GALNT18: variants seen among roughly 807,000 people sequenced by gnomAD.
GALNT18 encodes the protein polypeptide N-acetylgalactosaminyltransferase 18.
Under a neutral mutation model 69.5 loss-of-function variants are expected in GALNT18, and 44 were observed. That is an observed-to-expected ratio of 0.63 (90% CI 0.50 to 0.81). The LOEUF is 0.81. Ranked by LOEUF, GALNT18 falls within the 40% of genes least tolerant of loss-of-function variation. The probability of loss-of-function intolerance (pLI) is 0.00; values close to 1 mark genes in which losing one functional copy is unlikely to be tolerated. For synonymous variants in GALNT18, 364 were observed against 318.2 expected (o/e 1.14, Z -1.53); for missense variants, 715 against 810.0 (o/e 0.88, Z 1.42).
In GALNT18 at chr11:11,621,453, C is replaced by A; in HGVS notation, c.141G>T (p.Ala47=). The A allele has an allele frequency of 6.2e-7, 1 of 1,614,172 alleles. No individual in the cohort carries two copies. Among genetic ancestry groups the A allele is most frequent in the South Asian group, 1.1e-5 (1 of 91,074 alleles). ...ASVYVRGQEP[A]PDKKLEEDKG... is the part of the protein sequence containing the mutation. ...TGTCTTCCTCCAGCTTCTTGTCGGG[C>A]GCCGGCTCCTGCCCCCGCACATACA... The change falls in exon 1 of 11, where the codon GCG becomes GCT. Residue 47 remains alanine, a synonymous_variant. Transcript: ENST00000227756. The surrounding 1 kb of genome is among the most constrained non-coding windows in gnomAD (Gnocchi z 9.3).
chr11:11,482,729 A>T (rs1176595477), intron 1 of GALNT18, among the ~76,000 whole-genome samples: 4 of 152,240 alleles, frequency 2.6e-5, no homozygotes, highest in African/African-American at 9.6e-5. Context: ...CACTAAGGTG[A>T]TGGGCTGGTA....
At position 11,602,861 on chromosome 11, in the gene GALNT18, A is replaced by G. The variant is rs1859664464; in HGVS notation, c.235+18498T>C. 6.6e-6 allele frequency among the ~76,000 whole-genome samples: 1 copy of G among 152,222 alleles called. No individual in the cohort carries two copies. The highest frequency in any genetic ancestry group is 1.5e-5 in the Non-Finnish European group (1 of 68,040). ...TTTTCTGAATTAAAAATAAGGGTGTATGGTCTGGCAAGAGCTTTGTGCTGC... is the reference window on the plus strand; with the variant it reads ...TTTTCTGAATTAAAAATAAGGGTGTGTGGTCTGGCAAGAGCTTTGTGCTGC... On this transcript the variant is annotated intron_variant, in intron 1 of 10. Transcript: ENST00000227756. The surrounding 1 kb of genome is among the most constrained non-coding windows in gnomAD (Gnocchi z 4.7).
At chr11:11,326,891 C>T (rs1849931019) in intron 9 of GALNT18, among the ~76,000 whole-genome samples, 195 bp downstream of exon 9, 2 of 152,298 alleles carry the variant, frequency 1.3e-5, no homozygotes, top group East Asian at 1.9e-4. Flanking sequence ...CAGCTTCCTT[C>T]CAGGCAAGGC....
At chr11:11,526,581 A>G (rs1857531497) in intron 1 of GALNT18, among the ~76,000 whole-genome samples, 1 of 152,186 alleles carries the variant, frequency 6.6e-6, no homozygotes, top group African/African-American at 2.4e-5. Context: ...GCAGTAACAA[A>G]AACACCCCAA....
intron 1 of GALNT18, among the ~76,000 whole-genome samples, chr11:11,535,670 C>T (rs557518149): frequency 6.6e-6 from 1 of 152,310 alleles, no homozygotes; most frequent in Admixed American, 6.5e-5. Context: ...CCCAGCCGGC[C>T]GAGCTTCCAC....
intron 6 of GALNT18, among the ~76,000 whole-genome samples, chr11:11,369,462 A>C (rs1339975254): frequency 6.6e-6 from 1 of 152,054 alleles, no homozygotes; most frequent in African/African-American, 2.4e-5. Context: ...TCCTCTTCTT[A>C]TAAGGACATC....
At chr11:11,609,313 C>T (rs1023745448) in intron 1 of GALNT18, among the ~76,000 whole-genome samples, 6 of 152,282 alleles carry the variant, frequency 3.9e-5, no homozygotes, top group Non-Finnish European at 5.9e-5. Context: ...CTGCTCTAGC[C>T]GCACTGGCCA....
chr11:11,390,377 A>G (rs1388195600), intron 3 of GALNT18, among the ~76,000 whole-genome samples: 1 of 152,116 alleles, frequency 6.6e-6, no homozygotes, highest in Non-Finnish European at 1.5e-5. Flanking sequence ...CTAGAAGGGG[A>G]TGGGTTTTTC....
chr11:11,581,675 T>G (rs1483311107), intron 1 of GALNT18, among the ~76,000 whole-genome samples: 1 of 152,090 alleles, frequency 6.6e-6, no homozygotes, highest in Non-Finnish European at 1.5e-5. Flanking sequence ...CCCGCCTGGC[T>G]CCTGCTACCC....
chr11:11,377,092 G>T lies in GALNT18; in HGVS notation c.977+90C>A. The T allele has an allele frequency of 7.9e-7, 1 of 1,269,712 alleles. No homozygotes were observed. Among genetic ancestry groups the T allele is most frequent in the Non-Finnish European group, 1.1e-6 (1 of 888,290 alleles). 78.7% of individuals were successfully genotyped at this position (1,269,712 alleles called of 1,614,324 possible). On this transcript the variant is annotated intron_variant, in intron 5 of 10. Coordinates refer to ENST00000227756, the MANE Select transcript of GALNT18 (RefSeq NM_198516.3). The surrounding 1 kb of genome is among the most constrained non-coding windows in gnomAD (Gnocchi z 4.6). ...CCACCCCTGTCATCCCCACGATGGG[G>T]CTCAAGTTGGAGAATAAGCATTGGA... is the stretch of plus-strand genomic sequence containing the variant.
chr11:11,542,962 G>A lies in GALNT18; in HGVS notation c.235+78397C>T, dbSNP rs1857961444. ...TTAGTTCGTGGGTGAGGAGCAGGGT[G>A]CATGGAACCCCTGCAGCCTTTTCTA... On this transcript the variant is annotated intron_variant, in intron 1 of 10. Transcript: ENST00000227756. The surrounding 1 kb of genome is among the most constrained non-coding windows in gnomAD (Gnocchi z 4.3). 6.6e-6 allele frequency among the ~76,000 whole-genome samples: 1 copy of A among 152,220 alleles called. No homozygotes were observed. Among genetic ancestry groups the A allele is most frequent in the South Asian group, 2.1e-4 (1 of 4,830 alleles).
intron 10 of GALNT18, among the ~76,000 whole-genome samples, chr11:11,280,892 A>G (rs1034889786): frequency 2.6e-5 from 4 of 152,178 alleles, no homozygotes; most frequent in Admixed American, 2.6e-4. Flanking sequence ...CTAGACTCTT[A>G]GGCCCAGAGG....
chr11:11,390,420 T>C (rs958791170), intron 3 of GALNT18, among the ~76,000 whole-genome samples: 2 of 152,128 alleles, frequency 1.3e-5, no homozygotes, highest in Non-Finnish European at 1.5e-5. Context: ...CTAGAAAACA[T>C]ACACCAGGCA....
rs986787957 is a variant in GALNT18 at position 11,439,303 on chromosome 11, T to C, written c.429-6516A>G. On this transcript the variant is annotated intron_variant, in intron 2 of 10. Coordinates refer to ENST00000227756, the MANE Select transcript of GALNT18 (RefSeq NM_198516.3). The surrounding 1 kb of genome is among the most constrained non-coding windows in gnomAD (Gnocchi z 4.4). ...GCAGGCTGGAGCTGTCCAGGATGTCTTGAACCACGCTGCCTCCTCCAGAGC... is the reference window on the plus strand; with the variant it reads ...GCAGGCTGGAGCTGTCCAGGATGTCCTGAACCACGCTGCCTCCTCCAGAGC... Among the ~76,000 whole-genome samples the C allele has an allele frequency of 6.6e-6, 1 of 152,200 alleles. No homozygotes were observed. Among genetic ancestry groups the C allele is most frequent in the Non-Finnish European group, 1.5e-5 (1 of 68,026 alleles).
intron 9 of GALNT18, among the ~76,000 whole-genome samples, chr11:11,297,797 A>G (rs1045159282): frequency 1.3e-4 from 20 of 152,158 alleles, no homozygotes; most frequent in African/African-American, 4.3e-4. Flanking sequence ...TCAGCTGCCA[A>G]TGATTGATTT....
chr11:11,585,966 G>C lies in GALNT18; in HGVS notation c.235+35393C>G, dbSNP rs1285052093. Among the ~76,000 whole-genome samples the C allele has an allele frequency of 5.9e-5, 9 of 152,042 alleles. No homozygotes were observed. The East Asian group carries it at 1.7e-3, about 29-fold the overall frequency. On this transcript the variant is annotated intron_variant, in intron 1 of 10. Coordinates refer to ENST00000227756, the MANE Select transcript of GALNT18 (RefSeq NM_198516.3). ...TCATGAGGGTAGAGCCCTCATGGGT[G>C]GGATTTGTATCCTTACGAAAGAGAG...
Position 11,598,778 on chromosome 11 carries a change from A to G in GALNT18, c.235+22581T>C, listed in dbSNP as rs1461564380. On this transcript the variant is annotated intron_variant, in intron 1 of 10. Coordinates refer to ENST00000227756, the MANE Select transcript of GALNT18 (RefSeq NM_198516.3). This position sits in a 1 kb window ranked among gnomAD's most constrained non-coding sequence, Gnocchi z 4.8. ...ACTACTTTATCTGCATAAGTTTTGTATGTTGTGTTTTCATTTTCATTCACC... is the reference window on the plus strand; with the variant it reads ...ACTACTTTATCTGCATAAGTTTTGTGTGTTGTGTTTTCATTTTCATTCACC... 2.0e-5 allele frequency among the ~76,000 whole-genome samples: 3 copies of G among 152,090 alleles called. No homozygotes were observed. The highest frequency in any genetic ancestry group is 4.8e-5 in the African/African-American group (2 of 41,414).
intron 1 of GALNT18, among the ~76,000 whole-genome samples, chr11:11,581,367 G>A (rs1320624831): frequency 6.6e-6 from 1 of 152,220 alleles, no homozygotes; most frequent in African/African-American, 2.4e-5. Flanking sequence ...AGAGCCAGGT[G>A]CTGGTCATGT....
chr11:11,603,012 A>C lies in GALNT18; in HGVS notation c.235+18347T>G, dbSNP rs969850337. On this transcript the variant is annotated intron_variant, in intron 1 of 10. Transcript: ENST00000227756. This position sits in a 1 kb window ranked among gnomAD's most constrained non-coding sequence, Gnocchi z 4.5. ...ATTGGGTTGTCCCATATAACCTGAGAATATTAAATTGCTAAAAACTCTGGT... is the reference window on the plus strand; with the variant it reads ...ATTGGGTTGTCCCATATAACCTGAGCATATTAAATTGCTAAAAACTCTGGT... Among the ~76,000 whole-genome samples the C allele has an allele frequency of 6.6e-6, 1 of 152,232 alleles. No individual in the cohort carries two copies. The highest frequency in any genetic ancestry group is 2.4e-5 in the African/African-American group (1 of 41,464).
Sources: allele counts gnomAD v4.1 joint callset (sites outside exome capture counted in the v4.1 genomes callset), GRCh38; gene constraint gnomAD v4.1.1; non-coding constraint Gnocchi (gnomAD v3.1); transcripts MANE v1.5; gene names NCBI Gene and HGNC (gene_info 2026-07-23, HGNC 2026-07-21).